Variants in GRM8 observed in about 807,000 individuals in gnomAD.
GRM8 encodes the protein metabotropic glutamate receptor 8.
In GRM8, 47 loss-of-function variants were observed where a neutral mutation model predicts 87.2. The observed-to-expected ratio is 0.54, with a 90% confidence interval of 0.43 to 0.69. The LOEUF (loss-of-function observed/expected upper bound fraction) is 0.69. Among genes scored for constraint, GRM8 ranks in the 30% least tolerant of loss-of-function variants. The pLI, the probability that GRM8 is intolerant of heterozygous loss-of-function variation, is 0.00. For synonymous variants in GRM8, 396 were observed against 404.5 expected (o/e 0.98, Z 0.25); for missense variants, 1,019 against 1,139.2 (o/e 0.89, Z 1.52).
chr7:127,084,073 A>G (rs1329010038), intron 3 of GRM8, among the ~76,000 whole-genome samples: 1 of 152,218 alleles, frequency 6.6e-6, no homozygotes, highest in Non-Finnish European at 1.5e-5. Context: ...TTAGTGAGGG[A>G]AAAAAGTACT....
Position 127,063,831 on chromosome 7 carries a change from C to T in GRM8, c.727+42665G>A, listed in dbSNP as rs1394028106. Among the ~76,000 whole-genome samples, 4 of 152,156 alleles carry T rather than the reference C, an allele frequency of 2.6e-5. No individual in the cohort carries two copies. In the East Asian group the frequency reaches 7.7e-4, roughly 29 times the overall value. On this transcript the variant is annotated intron_variant, in intron 3 of 10. Coordinates refer to ENST00000339582, the MANE Select transcript of GRM8 (RefSeq NM_000845.3). ...CAGAGATTCCAGTATGTTGTTTGTT[C>T]TCATTATTTTCAAAGAACTTCTTAA...
At chr7:126,823,347 A>C (rs1794474712) in intron 6 of GRM8, among the ~76,000 whole-genome samples, 1 of 152,232 alleles carries the variant, frequency 6.6e-6, no homozygotes, top group South Asian at 2.1e-4. Flanking sequence ...TTTGGGATCC[A>C]AATGCAGTAA....
chr7:126,948,124 T>C (rs1346628281), intron 3 of GRM8, among the ~76,000 whole-genome samples: 2 of 152,154 alleles, frequency 1.3e-5, no homozygotes, highest in African/African-American at 2.4e-5. Context: ...GTTGCCCTCA[T>C]GGAGCTCACA....
chr7:127,084,905 C>T (rs1823310178), intron 3 of GRM8: 2 of 152,198 alleles, frequency 1.3e-5, no homozygotes. Context: ...TGTTGGTTTG[C>T]TGCACTCATC....
intron 7 of GRM8, among the ~76,000 whole-genome samples, chr7:126,628,077 C>T (rs898020525): frequency 6.6e-6 from 1 of 152,130 alleles, no homozygotes; most frequent in Non-Finnish European, 1.5e-5. Flanking sequence ...CACAGCCTCG[C>T]TCTGTCGCCC....
At chr7:126,805,391 CT>C (rs1792573751) in intron 6 of GRM8, among the ~76,000 whole-genome samples, 2 of 152,224 alleles carry the variant, frequency 1.3e-5, no homozygotes, top group South Asian at 4.1e-4. Flanking sequence ...ATCCCCCTGC[CT>C]GTCTTGGAAT....
intron 3 of GRM8, among the ~76,000 whole-genome samples, chr7:127,088,617 CCT>C (rs2132869841): frequency 6.6e-6 from 1 of 152,256 alleles, no homozygotes; most frequent in African/African-American, 2.4e-5. Context: ...TGCTAATTCC[CCT>C]GAGAAAGTTA....
At chr7:127,072,625 CATATT>C (rs200896789) in intron 3 of GRM8, among the ~76,000 whole-genome samples, 1 of 144,026 alleles carries the variant, frequency 6.9e-6, no homozygotes, top group Admixed American at 6.9e-5. Context: ...GCTGAACCCT[CATATT>C]ATACTTTTTT....
intron 7 of GRM8, among the ~76,000 whole-genome samples, chr7:126,628,274 T>A (rs1441608740): frequency 6.6e-6 from 1 of 152,140 alleles, no homozygotes; most frequent in African/African-American, 2.4e-5. Context: ...CTCGATCTCC[T>A]GATCTCGTGA....
intron 3 of GRM8, among the ~76,000 whole-genome samples, chr7:127,072,864 A>G (rs1821855145): frequency 6.6e-6 from 1 of 152,150 alleles, no homozygotes; most frequent in Non-Finnish European, 1.5e-5. Context: ...AGATAAGGTC[A>G]GACACTGTTC....
At chr7:126,957,300 C>T (rs1808804799) in intron 3 of GRM8, among the ~76,000 whole-genome samples, 2 of 152,220 alleles carry the variant, frequency 1.3e-5, no homozygotes, top group African/African-American at 4.8e-5. Flanking sequence ...CATGAGGTCT[C>T]TTCCTGATGG....
chr7:126,874,581 C>G (rs1226845335), intron 6 of GRM8, among the ~76,000 whole-genome samples: 1 of 151,996 alleles, frequency 6.6e-6, no homozygotes, highest in Non-Finnish European at 1.5e-5. Flanking sequence ...CTCAACACGA[C>G]CCTGTAAGTA....
At chr7:126,825,182 C>T (rs1269676135) in intron 6 of GRM8, among the ~76,000 whole-genome samples, 1 of 152,046 alleles carries the variant, frequency 6.6e-6, no homozygotes, top group African/African-American at 2.4e-5. Flanking sequence ...ATTCTCCTGC[C>T]CAGCCTCCTG....
chr7:126,996,283 G>A (rs1217243096), intron 3 of GRM8, among the ~76,000 whole-genome samples: 1 of 151,996 alleles, frequency 6.6e-6, no homozygotes, highest in Non-Finnish European at 1.5e-5. Flanking sequence ...ATAGTAGAAA[G>A]CAGACCGAAA....
At chr7:126,459,782 A>C (rs1480187566) in intron 9 of GRM8, among the ~76,000 whole-genome samples, 1 of 151,424 alleles carries the variant, frequency 6.6e-6, no homozygotes, top group African/African-American at 2.4e-5. Flanking sequence ...TATGATAAGG[A>C]GAGTTGAGGA....
chr7:127,081,121 CACTT>C (rs1302326460), intron 3 of GRM8, among the ~76,000 whole-genome samples: 2 of 152,134 alleles, frequency 1.3e-5, no homozygotes, highest in African/African-American at 2.4e-5. Context: ...GTTTAGCAGA[CACTT>C]AATCCCTAGA....
intron 8 of GRM8, among the ~76,000 whole-genome samples, chr7:126,599,025 T>G (rs777343153): frequency 7.2e-5 from 11 of 152,258 alleles, no homozygotes; most frequent in Middle Eastern, 3.4e-3. Flanking sequence ...ACCTGCATTA[T>G]GAAGTCCTTG....
chr7:127,029,379 G>A (rs1817130259), intron 3 of GRM8, among the ~76,000 whole-genome samples: 1 of 152,150 alleles, frequency 6.6e-6, no homozygotes, highest in African/African-American at 2.4e-5. Flanking sequence ...TTCAAGTCCT[G>A]GATATCCTTG....
chr7:126,802,350 T>C (rs1191357722), intron 6 of GRM8, among the ~76,000 whole-genome samples: 1 of 152,182 alleles, frequency 6.6e-6, no homozygotes, highest in Admixed American at 6.5e-5. Flanking sequence ...TCTCCCAGAC[T>C]CTGGTAATCA....
Sources: allele counts gnomAD v4.1 joint callset (sites outside exome capture counted in the v4.1 genomes callset), GRCh38; gene constraint gnomAD v4.1.1; transcripts MANE v1.5; gene names NCBI Gene and HGNC (gene_info 2026-07-23, HGNC 2026-07-21).